The following URB2 variants were observed in gnomAD, a reference collection of about 807,000 sequenced individuals.
The protein encoded by URB2 is unhealthy ribosome biogenesis protein 2 homolog.
URB2 carries 86 observed loss-of-function variants against 120.9 expected under a neutral mutation model. The observed-to-expected ratio is 0.71, with a 90% CI of 0.60 to 0.85. The LOEUF is 0.85. Ranked by LOEUF, URB2 falls within the 40% of genes least tolerant of loss-of-function variation. The pLI is 0.00. For missense variants in URB2, 1,765 were observed against 1,836.5 expected (o/e 0.96, Z 0.71); for synonymous variants, 755 against 758.4 (o/e 1.00, Z 0.07).
chr1:229,636,699 G>A lies in URB2; in HGVS notation c.2086G>A (p.Ala696Thr), dbSNP rs1665839268. The change falls in exon 4 of 10, where the codon GCC (alanine) becomes ACC (threonine). Residue 696 changes from alanine (A) to threonine (T), a missense_variant. By Grantham distance (58) the Ala-to-Thr change is moderately conservative (BLOSUM62 0). Transcript: ENST00000258243. The part of the protein sequence containing the change: ...LMQTSFRSEG[A>T]IQSLRCDAAF... ...GCAAACTAGTTTCCGGTCTGAAGGA[G>A]CCATCCAAAGTTTGAGGTGCGATGC... The A allele has an allele frequency of 6.2e-7, 1 of 1,613,954 alleles. No homozygotes were observed. The highest frequency in any genetic ancestry group is 1.7e-5 in the Admixed American group (1 of 59,974).
Position 229,636,194 on chromosome 1 carries a change from C to T in URB2, c.1581C>T (p.Pro527=). ...AGAAGTTCCAGTCTTTAGTCTTGCC[C>T]TATTTGCAGAGTGATGCCGACATGG... ...VLEKFQSLVL[P]YLQSDADMAL... The change falls in exon 4 of 10, where the codon CCC becomes CCT. Residue 527 remains proline (P), a synonymous_variant. Coordinates refer to ENST00000258243, the MANE Select transcript of URB2 (RefSeq NM_014777.4). 6.2e-7 allele frequency: 1 copy of T among 1,613,836 alleles called. No individual in the cohort carries two copies. Among genetic ancestry groups the T allele is most frequent in the Non-Finnish European group, 8.5e-7 (1 of 1,179,728 alleles).
intron 2 of URB2, among the ~76,000 whole-genome samples, chr1:229,628,186 A>AT: frequency 6.9e-6 from 1 of 144,612 alleles, no homozygotes; most frequent in African/African-American, 2.5e-5. Flanking sequence ...TATATAATAT[A>AT]TATAATATAT....
At chr1:229,645,234 G>A (rs1442707123) in intron 5 of URB2, among the ~76,000 whole-genome samples, 1 of 150,648 alleles carries the variant, frequency 6.6e-6, no homozygotes, top group African/African-American at 2.4e-5. Context: ...GCAGTGAGCA[G>A]AGATCATGCC....
intron 2 of URB2, among the ~76,000 whole-genome samples, chr1:229,628,175 G>GTA (rs1558160142): frequency 1.2e-5 from 1 of 84,782 alleles, no homozygotes; most frequent in African/African-American, 4.6e-5. Context: ...TAGTATATAT[G>GTA]TATATAATAT....
intron 2 of URB2, among the ~76,000 whole-genome samples, chr1:229,628,272 T>TTATACATATATATATTATATATGTATATA (rs1347099829): frequency 6.8e-6 from 1 of 147,132 alleles, no homozygotes; most frequent in African/African-American, 2.6e-5. Context: ...TGTATATAAA[T>TTATACATATATATATTATATATGTATATA]TAGTCAGACA....
At position 229,634,919 on chromosome 1, in the gene URB2, C is replaced by A; in HGVS notation, c.306C>A (p.Ile102=). The change falls in exon 4 of 10, where the codon ATC becomes ATA. Residue 102 remains isoleucine (I), a splice_region_variant and synonymous_variant. Transcript: ENST00000258243. ...TINLQISLVK[I]INERVAEFSL... is the part of the protein sequence containing the mutation. ...TTTCTTTCTTTCTTAATGTTCAGAT[C>A]ATCAATGAGAGAGTAGCTGAGTTCT... 1 of 1,516,798 alleles carries A rather than the reference C, an allele frequency of 6.6e-7. No individual in the cohort carries two copies. Among genetic ancestry groups the A allele is most frequent in the Non-Finnish European group, 8.8e-7 (1 of 1,132,016 alleles). The allele number at this position is 1,516,798 out of a possible 1,614,324, so 94.0% of individuals were successfully genotyped here. A position where few individuals can be genotyped will look rare whatever the true frequency, so the allele number is the denominator to read the frequency against.
intron 1 of URB2, among the ~76,000 whole-genome samples, chr1:229,626,939 C>G (rs571849272): frequency 1.3e-5 from 2 of 152,058 alleles, no homozygotes; most frequent in Admixed American, 1.3e-4. Flanking sequence ...CTTAACGTTC[C>G]TTTTTACTAT....
chr1:229,637,820 T>C lies in URB2; in HGVS notation c.3207T>C (p.Pro1069=). The change falls in exon 4 of 10, where the codon CCT becomes CCC. Residue 1069 remains proline, a synonymous_variant. Coordinates refer to ENST00000258243, the MANE Select transcript of URB2 (RefSeq NM_014777.4). ...SLTRLCHVLG[P]FLKEQKLGQE... ...CCAGGTTGTGCCATGTCCTGGGACC[T>C]TTCCTCAAAGAGCAGAAGCTGGGCC... 6.2e-7 allele frequency: 1 copy of C among 1,610,710 alleles called. No individual in the cohort carries two copies. Among genetic ancestry groups the C allele is most frequent in the Admixed American group, 1.7e-5 (1 of 59,204 alleles).
At chr1:229,653,116 T>C (rs1666320615) in intron 8 of URB2, among the ~76,000 whole-genome samples, 2 of 152,218 alleles carry the variant, frequency 1.3e-5, no homozygotes, top group Non-Finnish European at 2.9e-5. Context: ...AAACAGTCAA[T>C]GTTAGATATT....
At chr1:229,627,851 AAT>A in intron 2 of URB2, 92 bp downstream of exon 2, 1 of 1,438,412 alleles carries the variant, frequency 7.0e-7, no homozygotes, top group Non-Finnish European at 9.2e-7. Flanking sequence ...AAAATAAAAA[AAT>A]AGAGAAAAAG....
chr1:229,628,233 A>C, intron 2 of URB2, among the ~76,000 whole-genome samples: 1 of 144,890 alleles, frequency 6.9e-6, no homozygotes, highest in African/African-American at 2.5e-5. Flanking sequence ...TTATATATGT[A>C]TATATATTAT....
chr1:229,647,449 GT>G lies in URB2; in HGVS notation c.3907-58del, dbSNP rs1402529058. 7 of 1,571,134 alleles carry G rather than the reference GT, an allele frequency of 4.5e-6. No homozygotes were observed. The African/African-American group carries it at 6.7e-5, about 15-fold the overall frequency. On this transcript the variant is annotated intron_variant, in intron 6 of 9. Coordinates refer to ENST00000258243, the MANE Select transcript of URB2 (RefSeq NM_014777.4). ...TACCTCAGTCACTCAGAGCTGCAGT[GT>G]TTGTGTTATTTCCTTGGGGAATTAC...
chr1:229,646,385 C>T (rs950358614), intron 6 of URB2, among the ~76,000 whole-genome samples: 1 of 152,332 alleles, frequency 6.6e-6, no homozygotes, highest in African/African-American at 2.4e-5. Flanking sequence ...TCTGCAGCCT[C>T]AAACTCCTGG....
chr1:229,647,399 A>G (rs2102795000), intron 6 of URB2, 111 bp from the exon 7 acceptor site: 7 of 1,372,666 alleles, frequency 5.1e-6, no homozygotes, highest in Non-Finnish European at 5.9e-6. Flanking sequence ...GACCACATCA[A>G]TTCATTTTGG....
chr1:229,628,208 T>TTATACA (rs1355695577), intron 2 of URB2, among the ~76,000 whole-genome samples: 1 of 144,448 alleles, frequency 6.9e-6, no homozygotes, highest in South Asian at 2.1e-4. Flanking sequence ...TGTATATATA[T>TTATACA]TATACATATA....
rs1210244657 is a variant in URB2, at chr1:229,637,477, G to A, written c.2864G>A (p.Gly955Glu). 1 of 1,614,030 alleles carries A rather than the reference G, an allele frequency of 6.2e-7. No homozygotes were observed. Among genetic ancestry groups the A allele is most frequent in the Non-Finnish European group, 8.5e-7 (1 of 1,180,048 alleles). ...CYQLLGYLQK[G>E]KSARSVFKIM... ...CAACTTCTTGGTTACTTGCAAAAGG[G>A]GAAAAGTGCTCGCTCTGTGTTCAAG... The change falls in exon 4 of 10, where the codon GGG becomes GAG. Residue 955 changes from glycine to glutamate, a missense_variant. Physicochemically the swap from Gly to Glu is moderately conservative, Grantham distance 98. Coordinates refer to ENST00000258243, the MANE Select transcript of URB2 (RefSeq NM_014777.4).
rs748635922 is a variant in URB2, at chr1:229,635,324, T to A, written c.711T>A (p.Ile237=). Residue 237 remains isoleucine (I), a synonymous_variant, in exon 4 of 10, where the codon ATT becomes ATA. Coordinates refer to ENST00000258243, the MANE Select transcript of URB2 (RefSeq NM_014777.4). ...QVLSRDIRSQ[I]EAMFRGGIFQ... ...TGAGCCGGGACATCAGGAGTCAGAT[T>A]GAGGCCATGTTCCGAGGAGGGATTT... 1.9e-6 allele frequency: 3 copies of A among 1,614,162 alleles called. No homozygotes were observed. In the South Asian group the frequency reaches 3.3e-5, roughly 18 times the overall value.
chr1:229,637,105 C>T lies in URB2; in HGVS notation c.2492C>T (p.Ser831Leu), dbSNP rs753402625. The T allele has an allele frequency of 8.1e-6, 13 of 1,612,748 alleles. No individual in the cohort carries two copies. The highest frequency in any genetic ancestry group is 1.1e-5 in the Non-Finnish European group (13 of 1,179,188). ...CTGTGTTCTGGTGCCCAGCGTGACT[C>T]AGGTCTTGTCAGTCAGCAGCTTCCC... ...SILCSGAQRD[S>L]GLVSQQLPWL... is the part of the protein sequence containing the mutation. The change falls in exon 4 of 10, where the codon TCA becomes TTA. Residue 831 changes from serine to leucine, a missense_variant. Ser to Leu is a moderately radical substitution (Grantham distance 145). Transcript: ENST00000258243.
chr1:229,643,429 G>A, intron 4 of URB2, 104 bp from the exon 5 acceptor site: 1 of 1,383,938 alleles, frequency 7.2e-7, no homozygotes, highest in Non-Finnish European at 1.0e-6. Context: ...CTAACTTGGT[G>A]ATTTTTGATG....
Sources: allele counts gnomAD v4.1 joint callset (sites outside exome capture counted in the v4.1 genomes callset), GRCh38; gene constraint gnomAD v4.1.1; transcripts MANE v1.5; gene names NCBI Gene and HGNC (gene_info 2026-07-23, HGNC 2026-07-21).